TENM2: variants seen among roughly 807,000 people sequenced by gnomAD.
TENM2 encodes the protein teneurin transmembrane protein 2, also known as teneurin-2.
In TENM2, 52 loss-of-function variants were observed where a neutral mutation model predicts 245.2. That is an observed-to-expected ratio of 0.21 (90% CI 0.17 to 0.27). The LOEUF (loss-of-function observed/expected upper bound fraction) is 0.27, where lower values mean the gene tolerates loss of function less well. Ranked by LOEUF, TENM2 falls within the 10% of genes least tolerant of loss-of-function variation. The pLI is 1.00. For synonymous variants in TENM2, 1,363 were observed against 1,438.9 expected (o/e 0.95, Z 1.19); for missense variants, 3,046 against 3,666.8 (o/e 0.83, Z 4.37).
At chr5:167,226,139 G>A in the TENM2 span, among the ~76,000 whole-genome samples, 1 of 151,528 alleles carries the variant, frequency 6.6e-6, no homozygotes, top group Non-Finnish European at 1.5e-5. Context: ...TTGATTTTTA[G>A]TCTCTATTTT....
intron 5 of TENM2, among the ~76,000 whole-genome samples, chr5:168,009,417 G>T (rs1334053644): frequency 6.6e-6 from 1 of 152,202 alleles, no homozygotes; most frequent in Non-Finnish European, 1.5e-5. Context: ...ACCGTACCAG[G>T]CTGAAGGGTG....
the TENM2 span, among the ~76,000 whole-genome samples, chr5:166,986,144 G>A: frequency 6.6e-6 from 1 of 152,144 alleles, no homozygotes; most frequent in Admixed American, 6.6e-5. Context: ...AACAGTGTTT[G>A]CAGAATTTTA....
Position 167,886,648 on chromosome 5 carries a change from C to G in TENM2, c.712+10453C>G, listed in dbSNP as rs145583320. 7.2e-5 allele frequency among the ~76,000 whole-genome samples: 11 copies of G among 152,204 alleles called. No homozygotes were observed. In the South Asian group the frequency reaches 2.3e-3, roughly 32 times the overall value. On this transcript the variant is annotated intron_variant, in intron 3 of 28. Coordinates refer to ENST00000518659, the Ensembl canonical transcript of TENM2. ...TTGCTGCTGGGAAGGAAGAAATTGG[C>G]GGTGATAGAAGAAGATTGCTATTTT...
intron 2 of TENM2, among the ~76,000 whole-genome samples, chr5:167,796,744 G>A (rs143007556): frequency 4.1e-4 from 63 of 152,046 alleles, no homozygotes; most frequent in African/African-American, 1.4e-3. Context: ...AACATTCTTC[G>A]TAGGCTGGTA....
At chr5:167,354,433 A>G (rs985781840) in intron 1 of TENM2, among the ~76,000 whole-genome samples, 1 of 152,220 alleles carries the variant, frequency 6.6e-6, no homozygotes, top group East Asian at 1.9e-4. Context: ...CTTATAAAAA[A>G]CAGTTTCATT....
At chr5:167,989,069 G>A (rs1457582137) in intron 4 of TENM2, among the ~76,000 whole-genome samples, 2 of 152,122 alleles carry the variant, frequency 1.3e-5, no homozygotes, top group African/African-American at 2.4e-5. Flanking sequence ...AGGCACTAAT[G>A]TTTCGACTCT....
At chr5:167,900,851 AG>A (rs1775642409) in intron 3 of TENM2, among the ~76,000 whole-genome samples, 1 of 148,358 alleles carries the variant, frequency 6.7e-6, no homozygotes, top group Admixed American at 6.7e-5. Flanking sequence ...GGTGGGATTG[AG>A]GCCTTGAGAG....
intron 2 of TENM2, among the ~76,000 whole-genome samples, chr5:167,700,949 TAAAAAAAAAAAA>T (rs781480259): frequency 1.6e-4 from 13 of 79,892 alleles, no homozygotes; most frequent in African/African-American, 3.4e-4. Context: ...TTATATTTCT[TAAAAAAAAAAAA>T]AAAAAAAAAA....
chr5:166,983,107 A>G, the TENM2 span, among the ~76,000 whole-genome samples: 34 of 152,096 alleles, frequency 2.2e-4, no homozygotes, highest in African/African-American at 7.7e-4. Context: ...ACTACTTAAC[A>G]TAATTATTTT....
At chr5:167,396,812 A>G (rs1372170970) in intron 2 of TENM2, among the ~76,000 whole-genome samples, 6 of 152,182 alleles carry the variant, frequency 3.9e-5, no homozygotes, top group Non-Finnish European at 1.5e-5. Context: ...GACAGTAGAC[A>G]TGACAAGGGC....
chr5:167,258,892 AT>A, the TENM2 span, among the ~76,000 whole-genome samples: 1 of 152,142 alleles, frequency 6.6e-6, no homozygotes, highest in African/African-American at 2.4e-5. Flanking sequence ...TTTACTAACG[AT>A]TTCTGAAAAT....
chr5:167,952,611 T>A, exon 4 of TENM2: 2 of 1,611,754 alleles, frequency 1.2e-6, no homozygotes, highest in Non-Finnish European at 1.7e-6. Context: ...CCACAGCCAG[T>A]CGACTCTGAG....
In TENM2 at chr5:167,762,127, T is replaced by TTCTCTCTCCTC. The variant is rs759473865; in HGVS notation, c.503-113850_503-113840dup. Among the ~76,000 whole-genome samples the TTCTCTCTCCTC allele has an allele frequency of 3.4e-3, 524 of 152,156 alleles. 2 individuals carry two copies. Among genetic ancestry groups the TTCTCTCTCCTC allele is most frequent in the Admixed American group, 0.017 (254 of 15,282 alleles). On this transcript the variant is annotated intron_variant, in intron 2 of 28. Transcript: ENST00000518659. ...GTGAAGTGACTAATTTTTAGTCTCT[T>TTCTCTCTCCTC]TCTCTCTCCTCTCTCTCTCTCTCAT...
intron 5 of TENM2, among the ~76,000 whole-genome samples, chr5:168,024,812 C>A (rs539990876): frequency 1.4e-3 from 211 of 152,278 alleles, no homozygotes; most frequent in African/African-American, 4.8e-3. Flanking sequence ...GTTTTACGTG[C>A]GGATTTGTGA....
chr5:167,318,675 T>C (rs1756527484), intron 1 of TENM2, among the ~76,000 whole-genome samples: 1 of 152,110 alleles, frequency 6.6e-6, no homozygotes, highest in Admixed American at 6.6e-5. Flanking sequence ...TTAGAAATAA[T>C]GTTTGGAGGT....
At position 168,240,617 on chromosome 5, in the gene TENM2, T is replaced by TA. The variant is rs534610156; in HGVS notation, c.5521-3803_5521-3802insA. Among the ~76,000 whole-genome samples, 1,437 of 144,480 alleles carry TA rather than the reference T, an allele frequency of 9.9e-3. 6 individuals carry two copies. The highest frequency in any genetic ancestry group is 0.017 in the Middle Eastern group (5 of 288). The allele number at this position is 144,480 out of a possible 152,430, so 94.8% of individuals were successfully genotyped here. On this transcript the variant is annotated intron_variant, in intron 25 of 28. Coordinates refer to ENST00000518659, the Ensembl canonical transcript of TENM2. ...TCAACATGTTGCTGTTGCTGTGGTT[T>TA]TTCTTCCTTGTATACCAGAGCAGAC...
At chr5:167,995,889 A>AG (rs1784015391) in intron 5 of TENM2, among the ~76,000 whole-genome samples, 1 of 152,192 alleles carries the variant, frequency 6.6e-6, no homozygotes, top group Non-Finnish European at 1.5e-5. Flanking sequence ...CCATCAGGGA[A>AG]GGGCAGAAAG....
chr5:167,086,518 C>T, the TENM2 span, among the ~76,000 whole-genome samples: 1 of 152,070 alleles, frequency 6.6e-6, no homozygotes, highest in Non-Finnish European at 1.5e-5. Flanking sequence ...GCCAATAGCT[C>T]CATTTCCCCT....
chr5:167,111,394 C>A, the TENM2 span, among the ~76,000 whole-genome samples: 1 of 152,198 alleles, frequency 6.6e-6, no homozygotes, highest in African/African-American at 2.4e-5. Flanking sequence ...CAAATCTGGT[C>A]TATTCATTAT....
Sources: allele counts gnomAD v4.1 joint callset (sites outside exome capture counted in the v4.1 genomes callset), GRCh38; gene constraint gnomAD v4.1.1; transcripts MANE v1.5; gene names NCBI Gene and HGNC (gene_info 2026-07-23, HGNC 2026-07-21).